The following DENND4C variants were observed in gnomAD, a reference collection of about 807,000 sequenced individuals.
The protein encoded by DENND4C is DENN domain-containing protein 4C.
A neutral mutation model predicts 203.0 loss-of-function variants in DENND4C; 108 were observed. That is an observed-to-expected ratio of 0.53 (90% CI 0.46 to 0.62). The LOEUF (loss-of-function observed/expected upper bound fraction) is 0.62. Among genes scored for constraint, DENND4C ranks in the 20% least tolerant of loss-of-function variants. DENND4C has a pLI of 0.00. For synonymous variants in DENND4C, 871 were observed against 792.4 expected (o/e 1.10, Z -1.67); for missense variants, 2,481 against 2,301.2 (o/e 1.08, Z -1.60).
chr9:19,330,051 A>G (rs1818720388), intron 16 of DENND4C, among the ~76,000 whole-genome samples: 1 of 152,174 alleles, frequency 6.6e-6, no homozygotes, highest in Non-Finnish European at 1.5e-5. Flanking sequence ...ATCCTGAGGT[A>G]TTTCCTAATT....
chr9:19,319,385 TATATATAC>T (rs1842468451), intron 12 of DENND4C, among the ~76,000 whole-genome samples: 1 of 137,362 alleles, frequency 7.3e-6, no homozygotes, highest in Non-Finnish European at 1.5e-5. Flanking sequence ...CACATACATA[TATATATAC>T]ATATATATAT....
intron 1 of DENND4C, among the ~76,000 whole-genome samples, chr9:19,272,373 T>A (rs898266736): frequency 1.6e-4 from 25 of 151,752 alleles, no homozygotes; most frequent in Admixed American, 1.2e-3. Context: ...TGAGCCGAGA[T>A]TGCGCCATTG....
At chr9:19,265,099 T>A (rs534380645) in intron 1 of DENND4C, among the ~76,000 whole-genome samples, 2 of 152,126 alleles carry the variant, frequency 1.3e-5, no homozygotes, top group African/African-American at 4.8e-5. Flanking sequence ...ACTGCCACCT[T>A]GACCTCTTGG....
rs1297348422 is a variant in DENND4C, at chr9:19,358,227, A to T, written c.5160+67A>T. 1.5e-6 allele frequency: 2 copies of T among 1,296,688 alleles called. No individual in the cohort carries two copies. The highest frequency in any genetic ancestry group is 2.1e-6 in the Non-Finnish European group (2 of 954,018). The allele number at this position is 1,296,688 out of a possible 1,614,324, so 80.3% of individuals were successfully genotyped here. A position where few individuals can be genotyped will look rare whatever the true frequency, so the allele number is the denominator to read the frequency against. ...CCTAAGTATATAGTAGAACATTATA[A>T]ATTCTTCTGTAGTGGACTTATTTTA... On this transcript the variant is annotated intron_variant, in intron 28 of 32. Coordinates refer to ENST00000434457, the MANE Select transcript of DENND4C (RefSeq NM_001330640.2). This position sits in a 1 kb window ranked among gnomAD's most constrained non-coding sequence, Gnocchi z 4.8.
chr9:19,342,871 G>T (rs1306627181), intron 22 of DENND4C, 92 bp downstream of exon 22: 2 of 1,102,956 alleles, frequency 1.8e-6, no homozygotes, highest in Non-Finnish European at 2.4e-6. Context: ...TGACTTAATT[G>T]TAATGAACAT....
At chr9:19,265,265 C>T (rs975366394) in intron 1 of DENND4C, among the ~76,000 whole-genome samples, 2 of 152,066 alleles carry the variant, frequency 1.3e-5, no homozygotes, top group African/African-American at 4.8e-5. Flanking sequence ...AGTCTGTCCC[C>T]CTTGCTCTCC....
In DENND4C at chr9:19,286,761, C is replaced by G. The variant is rs1835296955; in HGVS notation, c.306-8C>G. The G allele has an allele frequency of 8.1e-7, 1 of 1,231,890 alleles. No homozygotes were observed. Among genetic ancestry groups the G allele is most frequent in the South Asian group, 4.1e-5 (1 of 24,316 alleles). The allele number at this position is 1,231,890 out of a possible 1,614,324, so 76.3% of individuals were successfully genotyped here. ...CTATATCTATTTCTTCCCCTTCCTG[C>G]CATGCAGAGTTCTATATGAAGGGAA... On this transcript the variant is annotated splice_region_variant and splice_polypyrimidine_tract_variant and intron_variant, in intron 2 of 32. Transcript: ENST00000434457.
At chr9:19,249,784 T>C (rs1005084270) in intron 1 of DENND4C, among the ~76,000 whole-genome samples, 1 of 152,076 alleles carries the variant, frequency 6.6e-6, no homozygotes, top group African/African-American at 2.4e-5. Context: ...CAGCCTCCTG[T>C]GTAGCTGGGA....
Position 19,279,138 on chromosome 9 carries a change from G to T in DENND4C, c.305+2659G>T, listed in dbSNP as rs2130958164. Among the ~76,000 whole-genome samples the T allele has an allele frequency of 1.5e-5, 2 of 134,528 alleles. 1 individual carries two copies. The highest frequency in any genetic ancestry group is 7.1e-3 in the Middle Eastern group (2 of 282). 88.3% of individuals were successfully genotyped at this position (134,528 alleles called of 152,430 possible). ...AAGGTCAAGGGATCAAGACCATCCT[G>T]GCCAACATGATGAAACCCCATCTCT... On this transcript the variant is annotated intron_variant, in intron 2 of 32. Transcript: ENST00000434457.
intron 20 of DENND4C, among the ~76,000 whole-genome samples, chr9:19,338,233 T>A (rs1017901955): frequency 6.6e-6 from 1 of 152,164 alleles, no homozygotes; most frequent in Non-Finnish European, 1.5e-5. Flanking sequence ...TTTTTCATGA[T>A]ACTTGTAGAA....
chr9:19,303,236 T>C (rs902958748), intron 9 of DENND4C, among the ~76,000 whole-genome samples: 1 of 152,166 alleles, frequency 6.6e-6, no homozygotes, highest in African/African-American at 2.4e-5. Flanking sequence ...TGCAGCACTT[T>C]GGATTTTGGA....
At chr9:19,275,278 T>A (rs1227504688) in intron 1 of DENND4C, among the ~76,000 whole-genome samples, 1 of 1,564 alleles carries the variant, frequency 6.4e-4, no homozygotes, top group Non-Finnish European at 1.8e-3. Flanking sequence ...AGGCCCGGCC[T>A]TTTTTTTTTT....
At position 19,316,708 on chromosome 9, in the gene DENND4C, A is replaced by C; in HGVS notation, c.1676A>C (p.Glu559Ala). Residue 559 changes from glutamate to alanine, a missense_variant, in exon 12 of 33, where the codon GAG (glutamate) becomes GCG (alanine). By Grantham distance (107) the Glu-to-Ala change is moderately radical. Coordinates refer to ENST00000434457, the MANE Select transcript of DENND4C (RefSeq NM_001330640.2). ...FSWQKKMTQL[E>A]MEIQEAFLRF... Reference sequence around the variant, plus strand: ...TGGCAAAAGAAGATGACACAGCTTGAGATGGAAATTCAAGAGGCATTTTTG... The same window carrying C: ...TGGCAAAAGAAGATGACACAGCTTGCGATGGAAATTCAAGAGGCATTTTTG... The C allele has an allele frequency of 3.1e-6, 5 of 1,614,140 alleles. No homozygotes were observed. The highest frequency in any genetic ancestry group is 4.2e-6 in the Non-Finnish European group (5 of 1,179,998).
Position 19,347,086 on chromosome 9 carries a change from G to A in DENND4C, c.4317G>A (p.Glu1439=). 8.7e-6 allele frequency: 14 copies of A among 1,611,412 alleles called. No individual in the cohort carries two copies. Among genetic ancestry groups the A allele is most frequent in the Non-Finnish European group, 1.2e-5 (14 of 1,178,246 alleles). ...CTGCCTACAGCTACTCAGATGATGA[G>A]GTAAGAAAGCTTTATGTGTGTAGTC... The part of the protein sequence containing the change: ...VASAYSYSDD[E]EETNRDYSFP... The change falls in exon 23 of 33, where the codon GAG becomes GAA. Residue 1439 remains glutamate, a splice_region_variant and synonymous_variant. Coordinates refer to ENST00000434457, the MANE Select transcript of DENND4C (RefSeq NM_001330640.2).
At chr9:19,369,245 T>C (rs952377819) in intron 30 of DENND4C, among the ~76,000 whole-genome samples, 1 of 152,220 alleles carries the variant, frequency 6.6e-6, no homozygotes, top group African/African-American at 2.4e-5. Context: ...AGGTTCCTTC[T>C]GTTGTACCTG....
chr9:19,350,800 C>T lies in DENND4C; in HGVS notation c.4416C>T (p.Pro1472=). The T allele has an allele frequency of 1.2e-6, 2 of 1,613,942 alleles. No homozygotes were observed. Among genetic ancestry groups the T allele is most frequent in the Non-Finnish European group, 1.7e-6 (2 of 1,180,010 alleles). Residue 1472 remains proline, a synonymous_variant, in exon 24 of 33, where the codon CCC becomes CCT. Transcript: ENST00000434457. ...SPNTSISGLV[P]SELTQSNTSL... The stretch of plus-strand genomic sequence containing the variant: ...ACACAAGTATCTCAGGGTTGGTCCC[C>T]AGTGAACTTACCCAGAGCAACACAA...
At chr9:19,237,008 C>A (rs1170351117) in intron 1 of DENND4C, among the ~76,000 whole-genome samples, 2 of 152,022 alleles carry the variant, frequency 1.3e-5, no homozygotes, top group African/African-American at 2.4e-5. Flanking sequence ...ATTATTTGGG[C>A]AATTATAGGC....
At chr9:19,308,998 A>T (rs887923410) in intron 10 of DENND4C, among the ~76,000 whole-genome samples, 10 of 152,350 alleles carry the variant, frequency 6.6e-5, no homozygotes, top group Admixed American at 3.3e-4. Context: ...AATTCAATGA[A>T]ATGTCCAAAG....
At chr9:19,297,978 T>G in intron 6 of DENND4C, 78 bp from the exon 7 acceptor site, 15 of 1,132,006 alleles carry the variant, frequency 1.3e-5, no homozygotes, top group African/African-American at 4.7e-5. Context: ...TGATATATAG[T>G]GATATTTAAG....
Sources: gnomAD v4.1 joint callset for allele counts (sites outside exome capture counted in the v4.1 genomes callset) on GRCh38, gnomAD v4.1.1 for gene constraint, Gnocchi (gnomAD v3.1) non-coding constraint, MANE v1.5 for transcripts, NCBI Gene and HGNC (gene_info 2026-07-23, HGNC 2026-07-21) for gene names.